Variants in NELL2 observed in about 807,000 individuals in gnomAD.
The protein encoded by NELL2 is protein kinase C-binding protein NELL2.
NELL2 carries 41 observed loss-of-function variants against 109.6 expected under a neutral mutation model. The ratio of observed to expected loss-of-function variants is 0.37; its 90% CI spans 0.29 to 0.49. The LOEUF (loss-of-function observed/expected upper bound fraction) is 0.49, where lower values mean the gene tolerates loss of function less well. NELL2 is among the 20% of genes least tolerant of loss of function. The pLI is 0.98. For synonymous variants in NELL2, 355 were observed against 344.7 expected, an observed-to-expected ratio of 1.03 and a Z score of -0.33; for missense variants, 900 against 1,008.3, an observed-to-expected ratio of 0.89 and a Z score of 1.45.
chr12:44,662,565 T>C (rs1038905657), intron 13 of NELL2, among the ~76,000 whole-genome samples: 2 of 152,152 alleles, frequency 1.3e-5, no homozygotes, highest in African/African-American at 4.8e-5. Flanking sequence ...TACAAAATTT[T>C]ATGAACATGA....
At chr12:44,688,979 G>A (rs1395290998) in intron 12 of NELL2, among the ~76,000 whole-genome samples, 1 of 152,190 alleles carries the variant, frequency 6.6e-6, no homozygotes, top group Non-Finnish European at 1.5e-5. Flanking sequence ...AATCTGTTAA[G>A]AATAGTGGGC....
chr12:44,633,750 T>TA (rs1216707833), intron 13 of NELL2, among the ~76,000 whole-genome samples: 1 of 152,150 alleles, frequency 6.6e-6, no homozygotes. Context: ...TAACACATTG[T>TA]TAAGTACTTG....
chr12:44,834,215 C>T (rs1364250049), intron 2 of NELL2, among the ~76,000 whole-genome samples: 3 of 152,162 alleles, frequency 2.0e-5, no homozygotes, highest in Non-Finnish European at 2.9e-5. Context: ...CACATACTCC[C>T]TCATTTTCAT....
At chr12:44,773,102 T>C (rs554011772) in intron 9 of NELL2, among the ~76,000 whole-genome samples, 94 of 152,296 alleles carry the variant, frequency 6.2e-4, no homozygotes, top group African/African-American at 2.2e-3. Context: ...CTGTATCTAA[T>C]AACACTGACA....
chr12:44,565,026 A>G (rs1352035013), intron 15 of NELL2, among the ~76,000 whole-genome samples: 3 of 152,180 alleles, frequency 2.0e-5, no homozygotes, highest in Non-Finnish European at 2.9e-5. Context: ...GATATTTTTA[A>G]TCTTTTTCCT....
intron 5 of NELL2, among the ~76,000 whole-genome samples, chr12:44,777,790 A>G (rs1017822636): frequency 6.6e-6 from 1 of 152,226 alleles, no homozygotes; most frequent in African/African-American, 2.4e-5. Context: ...ATCTTTTAAA[A>G]CTAATTTCTC....
upstream of NELL2, chr12:44,876,621 C>A (rs950894494): frequency 5.8e-6 from 9 of 1,550,726 alleles, no homozygotes; most frequent in Non-Finnish European, 7.8e-6. Context: ...CGATTTCGGG[C>A]GCGTGTCTTG....
chr12:44,577,524 G>C (rs1386535397), intron 15 of NELL2, among the ~76,000 whole-genome samples: 3 of 139,754 alleles, frequency 2.1e-5, no homozygotes, highest in Admixed American at 7.4e-5. Context: ...TCCCAGGCTG[G>C]AGTGCAGTGG....
chr12:44,675,074 C>T (rs192889576), intron 12 of NELL2, among the ~76,000 whole-genome samples: 81 of 152,260 alleles, frequency 5.3e-4, no homozygotes, highest in African/African-American at 1.5e-3. Flanking sequence ...TGAAGCTCAA[C>T]GTGGCAGAGT....
At chr12:44,746,875 G>C (rs1296099870) in intron 9 of NELL2, among the ~76,000 whole-genome samples, 1 of 152,190 alleles carries the variant, frequency 6.6e-6, no homozygotes, top group African/African-American at 2.4e-5. Flanking sequence ...TTCAACCATT[G>C]TGGAAGTCAG....
chr12:44,566,566 C>CACACACACACACACACACACAGAGAGAG (rs377368706), intron 15 of NELL2, among the ~76,000 whole-genome samples: 2 of 138,422 alleles, frequency 1.4e-5, no homozygotes, highest in African/African-American at 5.2e-5. Context: ...CACACACACA[C>CACACACACACACACACACACAGAGAGAG]AGAGTTTTAT....
chr12:44,728,012 G>C (rs1939170764), intron 9 of NELL2, among the ~76,000 whole-genome samples: 1 of 151,656 alleles, frequency 6.6e-6, no homozygotes, highest in South Asian at 2.1e-4. Flanking sequence ...AAATGTTCTT[G>C]TTCATACTCT....
intron 9 of NELL2, among the ~76,000 whole-genome samples, chr12:44,729,532 A>T (rs941902907): frequency 3.3e-5 from 5 of 150,364 alleles, no homozygotes; most frequent in African/African-American, 4.9e-5. Flanking sequence ...AATGGATTAA[A>T]CTGTCAAAAG....
intron 1 of NELL2, among the ~76,000 whole-genome samples, chr12:44,899,541 T>C (rs1304570938): frequency 6.6e-6 from 1 of 152,088 alleles, no homozygotes; most frequent in Non-Finnish European, 1.5e-5. Context: ...AGGAATAAAA[T>C]CCTTTATAGA....
At chr12:44,655,287 G>A (rs1229121474) in intron 13 of NELL2, among the ~76,000 whole-genome samples, 1 of 152,142 alleles carries the variant, frequency 6.6e-6, no homozygotes, top group Non-Finnish European at 1.5e-5. Context: ...CCAAACTATG[G>A]CCAGCTGGGC....
At chr12:44,799,642 G>C (rs1186073243) in intron 3 of NELL2, among the ~76,000 whole-genome samples, 1 of 152,204 alleles carries the variant, frequency 6.6e-6, no homozygotes, top group East Asian at 1.9e-4. Flanking sequence ...GTATATTAGA[G>C]AGAAAAATTA....
At chr12:44,706,040 C>T (rs934492046) in intron 11 of NELL2, among the ~76,000 whole-genome samples, 2 of 152,190 alleles carry the variant, frequency 1.3e-5, no homozygotes, top group Admixed American at 6.6e-5. Context: ...GACCTCTCAT[C>T]TCAGCATTAA....
chr12:44,547,210 T>C (rs1460107883), intron 15 of NELL2, among the ~76,000 whole-genome samples: 2 of 152,216 alleles, frequency 1.3e-5, no homozygotes, highest in Non-Finnish European at 2.9e-5. Flanking sequence ...GTAGCTTCAG[T>C]GCTTTAGTCA....
intron 12 of NELL2, among the ~76,000 whole-genome samples, chr12:44,687,565 G>T (rs986492861): frequency 2.0e-5 from 3 of 152,034 alleles, no homozygotes; most frequent in African/African-American, 7.2e-5. Context: ...TTTTATACTA[G>T]AGTTAGTTCT....
Sources: gnomAD v4.1 joint callset for allele counts (sites outside exome capture counted in the v4.1 genomes callset) on GRCh38, gnomAD v4.1.1 for gene constraint, MANE v1.5 for transcripts, NCBI Gene and HGNC (gene_info 2026-07-23, HGNC 2026-07-21) for gene names.